The following COL5A2 variants were observed in gnomAD, a reference collection of about 807,000 sequenced individuals.
COL5A2 encodes the protein collagen type V alpha 2 chain, also known as collagen alpha-2(V) chain.
COL5A2 carries 23 observed loss-of-function variants against 208.2 expected under a neutral mutation model. The observed-to-expected ratio is 0.11, with a 90% CI of 0.08 to 0.16. COL5A2 has a LOEUF of 0.16. COL5A2 is among the 10% of genes least tolerant of loss of function. The pLI, the probability that COL5A2 is intolerant of heterozygous loss-of-function variation, is 1.00. For missense variants in COL5A2, 1,590 were observed against 1,956.4 expected, an observed-to-expected ratio of 0.81 and a Z score of 3.53; for synonymous variants, 625 against 628.5, an observed-to-expected ratio of 0.99 and a Z score of 0.08.
At chr2:189,361,374 T>G in the COL5A2 span, among the ~76,000 whole-genome samples, 2 of 152,174 alleles carry the variant, frequency 1.3e-5, no homozygotes, top group Admixed American at 1.3e-4. Context: ...CTTCTTTGTC[T>G]TTTTTATCAT....
At chr2:189,294,532 T>C in the COL5A2 span, among the ~76,000 whole-genome samples, 1 of 152,238 alleles carries the variant, frequency 6.6e-6, no homozygotes, top group Non-Finnish European at 1.5e-5. Context: ...ATCACATTTG[T>C]CAGTGCAATC....
intron 1 of COL5A2, among the ~76,000 whole-genome samples, chr2:189,211,572 T>C (rs991833017): frequency 5.9e-5 from 9 of 151,944 alleles, no homozygotes; most frequent in African/African-American, 2.2e-4. Context: ...TAGGCAAAAC[T>C]ACAGACAGTC....
intron 2 of COL5A2, among the ~76,000 whole-genome samples, chr2:189,109,117 A>G (rs1687210072): frequency 6.6e-6 from 1 of 151,984 alleles, no homozygotes; most frequent in Admixed American, 6.6e-5. Flanking sequence ...TGCAATTGCC[A>G]GCTCCTAGAC....
chr2:189,104,205 T>C, intron 3 of COL5A2, 59 bp downstream of exon 3: 1 of 1,200,824 alleles, frequency 8.3e-7, no homozygotes, highest in Admixed American at 1.7e-5. Context: ...CAGTTCTGTG[T>C]GGATAGTATT....
the COL5A2 span, among the ~76,000 whole-genome samples, chr2:189,313,141 C>T: frequency 1.5e-4 from 22 of 151,526 alleles, no homozygotes; most frequent in East Asian, 3.9e-4. Flanking sequence ...TCTGACAAGA[C>T]GGGAGCAGAC....
At chr2:189,170,599 T>C (rs536524735) in intron 1 of COL5A2, among the ~76,000 whole-genome samples, 27 of 152,224 alleles carry the variant, frequency 1.8e-4, no homozygotes, top group African/African-American at 6.3e-4. Context: ...AGTAAAAAGT[T>C]AGATCTGAAG....
At chr2:189,149,669 T>C (rs773202815) in intron 1 of COL5A2, among the ~76,000 whole-genome samples, 38 of 152,240 alleles carry the variant, frequency 2.5e-4, no homozygotes, top group Non-Finnish European at 2.4e-4. Context: ...ATGAAGAAAC[T>C]ATAAGTGAAT....
chr2:189,230,239 G>C (rs1187955088), upstream of COL5A2, among the ~76,000 whole-genome samples: 1 of 151,694 alleles, frequency 6.6e-6, no homozygotes, highest in Non-Finnish European at 1.5e-5. Context: ...CAAAAACATA[G>C]ATAAAAGGTT....
chr2:189,399,397 C>G, the COL5A2 span, among the ~76,000 whole-genome samples: 1 of 151,730 alleles, frequency 6.6e-6, no homozygotes, highest in South Asian at 2.1e-4. Context: ...ATTACAGGTG[C>G]CTGCCACCAC....
At chr2:189,198,585 G>A (rs747354355) in intron 1 of COL5A2, among the ~76,000 whole-genome samples, 2 of 152,074 alleles carry the variant, frequency 1.3e-5, no homozygotes, top group Non-Finnish European at 2.9e-5. Flanking sequence ...GAGACATAAT[G>A]AACAGTCATT....
intron 1 of COL5A2, among the ~76,000 whole-genome samples, chr2:189,110,940 G>T (rs1687247605): frequency 6.6e-6 from 1 of 151,940 alleles, no homozygotes; most frequent in South Asian, 2.1e-4. Flanking sequence ...CTTCAAAAAA[G>T]AAAAAGGTGT....
At chr2:189,053,993 A>G (rs1186417876) in intron 36 of COL5A2, 45 bp from the exon 37 acceptor site, 1 of 1,585,888 alleles carries the variant, frequency 6.3e-7, no homozygotes, top group Admixed American at 1.7e-5. Context: ...ACAGTAGCTA[A>G]ACATAATTTT....
At chr2:189,057,254 A>G (rs887859916) in intron 34 of COL5A2, 66 bp downstream of exon 34, 5 of 1,034,788 alleles carry the variant, frequency 4.8e-6, no homozygotes, top group Non-Finnish European at 7.0e-6. Flanking sequence ...TCAAGAAATC[A>G]TTTCATTTTC....
chr2:189,323,565 T>C, the COL5A2 span, among the ~76,000 whole-genome samples: 1 of 152,136 alleles, frequency 6.6e-6, no homozygotes, highest in African/African-American at 2.4e-5. Flanking sequence ...TGAACTCCCA[T>C]TCACATTTGC....
the COL5A2 span, among the ~76,000 whole-genome samples, chr2:189,379,824 T>TC: frequency 2.8e-3 from 431 of 152,298 alleles, no homozygotes; most frequent in Non-Finnish European, 3.5e-3. Context: ...GAGACTCCTT[T>TC]CATAACTCTG....
the COL5A2 span, among the ~76,000 whole-genome samples, chr2:189,304,877 A>G: frequency 1.3e-5 from 2 of 152,362 alleles, no homozygotes; most frequent in Non-Finnish European, 2.9e-5. Context: ...TGTGCTAAGT[A>G]CAAAGTTTTT....
At chr2:189,414,820 CT>C in the COL5A2 span, among the ~76,000 whole-genome samples, 1 of 150,742 alleles carries the variant, frequency 6.6e-6, no homozygotes, top group Admixed American at 6.6e-5. Flanking sequence ...ATGACTTTTC[CT>C]TAGGCAAAGG....
intron 1 of COL5A2, among the ~76,000 whole-genome samples, chr2:189,169,914 A>G (rs1015188073): frequency 3.3e-5 from 5 of 152,138 alleles, no homozygotes; most frequent in Admixed American, 3.3e-4. Context: ...ATGGGTTTTC[A>G]CCATGTTGGT....
Position 189,048,279 on chromosome 2 carries a change from T to C in COL5A2, c.3148-17A>G, listed in dbSNP as rs774018439. The C allele has an allele frequency of 2.5e-6, 4 of 1,611,778 alleles. No individual in the cohort carries two copies. Among genetic ancestry groups the C allele is most frequent in the East Asian group, 2.2e-5 (1 of 44,812 alleles). Reference sequence around the variant, plus strand: ...AGCTGGACCCTATAAAGAATAATGGTTTGAAAAACTACTTAACTGAGTAAT... The same window carrying C: ...AGCTGGACCCTATAAAGAATAATGGCTTGAAAAACTACTTAACTGAGTAAT... On this transcript the variant is annotated splice_polypyrimidine_tract_variant and intron_variant, in intron 44 of 53. Coordinates refer to ENST00000374866, the MANE Select transcript of COL5A2 (RefSeq NM_000393.5).
Sources: allele counts gnomAD v4.1 joint callset (sites outside exome capture counted in the v4.1 genomes callset), GRCh38; gene constraint gnomAD v4.1.1; transcripts MANE v1.5; gene names NCBI Gene and HGNC (gene_info 2026-07-23, HGNC 2026-07-21).